The following ADAMTS18 variants were observed in gnomAD, a reference collection of about 807,000 sequenced individuals.
The protein encoded by ADAMTS18 is A disintegrin and metalloproteinase with thrombospondin motifs 18.
Under a neutral mutation model 165.9 loss-of-function variants are expected in ADAMTS18, and 157 were observed. That is an observed-to-expected ratio of 0.95 (90% confidence interval 0.83 to 1.08). The LOEUF is 1.08. Ranked by LOEUF, ADAMTS18 falls within the 50% of genes least tolerant of loss-of-function variation. The pLI is 0.00. For missense variants in ADAMTS18, 2,040 were observed against 1,534.0 expected, an observed-to-expected ratio of 1.33 and a Z score of -5.51; for synonymous variants, 782 against 578.2, an observed-to-expected ratio of 1.35 and a Z score of -5.06.
At chr16:77,422,290 C>G (rs939328045) in intron 3 of ADAMTS18, among the ~76,000 whole-genome samples, 1 of 151,946 alleles carries the variant, frequency 6.6e-6, no homozygotes, top group Admixed American at 6.6e-5. Context: ...TATATAGGGT[C>G]CACCTGTGGA....
chr16:77,398,556 C>T (rs2057288259), intron 3 of ADAMTS18, among the ~76,000 whole-genome samples: 1 of 152,138 alleles, frequency 6.6e-6, no homozygotes, highest in Non-Finnish European at 1.5e-5. Flanking sequence ...TGGTAACGAC[C>T]ATTTTAAGGC....
intron 12 of ADAMTS18, among the ~76,000 whole-genome samples, chr16:77,333,052 A>G (rs2056215982): frequency 6.6e-6 from 1 of 152,154 alleles, no homozygotes; most frequent in Non-Finnish European, 1.5e-5. Flanking sequence ...TTTCTGTTCT[A>G]CGATAGCACA....
intron 7 of ADAMTS18, among the ~76,000 whole-genome samples, chr16:77,360,160 T>C (rs906076102): frequency 2.6e-5 from 4 of 152,188 alleles, no homozygotes; most frequent in East Asian, 3.8e-4. Context: ...ACCCACTTCA[T>C]TGTCAAGACG....
chr16:77,398,111 G>C (rs1567540077), intron 3 of ADAMTS18, among the ~76,000 whole-genome samples: 1 of 152,148 alleles, frequency 6.6e-6, no homozygotes, highest in Non-Finnish European at 1.5e-5. Flanking sequence ...GAGGTTAGGA[G>C]TTCAAGACCA....
intron 3 of ADAMTS18, among the ~76,000 whole-genome samples, chr16:77,369,234 T>C (rs2056842665): frequency 6.6e-6 from 1 of 152,244 alleles, no homozygotes; most frequent in African/African-American, 2.4e-5. Flanking sequence ...ATTTTAATCT[T>C]TTTTTCATAG....
intron 21 of ADAMTS18, 102 bp downstream of exon 21, chr16:77,291,164 T>C (rs2055354715): frequency 1.5e-6 from 2 of 1,332,150 alleles, no homozygotes; most frequent in African/African-American, 1.4e-5. Context: ...TAGTTGTTTT[T>C]ACTTAGACAA....
chr16:77,429,734 G>C (rs960308314), intron 3 of ADAMTS18, among the ~76,000 whole-genome samples: 2 of 152,122 alleles, frequency 1.3e-5, no homozygotes, highest in African/African-American at 4.8e-5. Context: ...CACTCACAGA[G>C]TGAAGTCCTG....
At position 77,295,094 on chromosome 16, in the gene ADAMTS18, C is replaced by T. The variant is rs374399402; in HGVS notation, c.2835G>A (p.Lys945=). 6.2e-7 allele frequency: 1 copy of T among 1,614,174 alleles called. No individual in the cohort carries two copies. The highest frequency in any genetic ancestry group is 8.5e-7 in the Non-Finnish European group (1 of 1,180,038). ...WMPGEWSTCS[K]ACAGGQQSRK... ...GGCTCTGCTGGCCTCCAGCACAGGCCTTGCTGCATGTACTCCATTCACCTG... is the reference window on the plus strand; with the variant it reads ...GGCTCTGCTGGCCTCCAGCACAGGCTTTGCTGCATGTACTCCATTCACCTG... The change falls in exon 19 of 23, where the codon AAG becomes AAA. Residue 945 remains lysine (K), a synonymous_variant. Coordinates refer to ENST00000282849, the MANE Select transcript of ADAMTS18 (RefSeq NM_199355.4).
chr16:77,404,076 T>C (rs889865961), intron 3 of ADAMTS18, among the ~76,000 whole-genome samples: 1 of 141,488 alleles, frequency 7.1e-6, no homozygotes, highest in Non-Finnish European at 1.5e-5. Context: ...TTCTGCAGAG[T>C]ACAATATGAA....
At chr16:77,348,600 C>G (rs1027589221) in intron 10 of ADAMTS18, among the ~76,000 whole-genome samples, 1 of 152,206 alleles carries the variant, frequency 6.6e-6, no homozygotes. Context: ...GAGGGGACAT[C>G]TTCCACTTTA....
intron 22 of ADAMTS18, among the ~76,000 whole-genome samples, chr16:77,285,981 C>A (rs1048334767): frequency 1.3e-5 from 2 of 152,100 alleles, no homozygotes; most frequent in Non-Finnish European, 2.9e-5. Context: ...TATTGCTCTT[C>A]TCTTCTGCTC....
At position 77,359,323 on chromosome 16, in the gene ADAMTS18, C is replaced by T. The variant is rs2144726072; in HGVS notation, c.1317G>A (p.Gly439=). 5 of 1,613,710 alleles carry T rather than the reference C, an allele frequency of 3.1e-6. No homozygotes were observed. The highest frequency in any genetic ancestry group is 3.4e-6 in the Non-Finnish European group (4 of 1,179,884). ...TGGTTCAAAGAGGCACTTACTTGTGCCCTGACTCATGAGCGATGGTGAAGG... is the reference window on the plus strand; with the variant it reads ...TGGTTCAAAGAGGCACTTACTTGTGTCCTGACTCATGAGCGATGGTGAAGG... The part of the protein sequence containing the change: ...GLAFTIAHES[G]HNFGMIHDGE... The change falls in exon 8 of 23, where the codon GGG becomes GGA. Residue 439 remains glycine, a synonymous_variant. Coordinates refer to ENST00000282849, the MANE Select transcript of ADAMTS18 (RefSeq NM_199355.4).
chr16:77,315,398 A>T (rs1241793080), intron 16 of ADAMTS18, among the ~76,000 whole-genome samples: 3 of 152,202 alleles, frequency 2.0e-5, no homozygotes, highest in Non-Finnish European at 4.4e-5. Context: ...TAAATACCTT[A>T]AAATCTGGAT....
intron 3 of ADAMTS18, among the ~76,000 whole-genome samples, chr16:77,405,848 G>A (rs1285803101): frequency 6.6e-6 from 1 of 152,032 alleles, no homozygotes; most frequent in Non-Finnish European, 1.5e-5. Flanking sequence ...TCAGATTAGA[G>A]CCCCTTCTTT....
Position 77,367,611 on chromosome 16 carries a change from T to C in ADAMTS18, c.608A>G (p.Tyr203Cys), listed in dbSNP as rs750533933. ...GATCTTCTCCTCTGCTGTCCTTTTGTACAGTACGTGAGGATGGTGACCCGC... is the reference window on the plus strand; with the variant it reads ...GATCTTCTCCTCTGCTGTCCTTTTGCACAGTACGTGAGGATGGTGACCCGC... ...SPAGHHPHVLYKRTAEEKIQR... is the reference protein window; with the variant it reads ...SPAGHHPHVLCKRTAEEKIQR... The change falls in exon 4 of 23, where the codon TAC becomes TGC. Residue 203 changes from tyrosine (Y) to cysteine (C), a missense_variant. Tyr to Cys is a radical substitution (Grantham distance 194). Coordinates refer to ENST00000282849, the MANE Select transcript of ADAMTS18 (RefSeq NM_199355.4). The C allele has an allele frequency of 8.7e-6, 14 of 1,614,060 alleles. No individual in the cohort carries two copies. Among genetic ancestry groups the C allele is most frequent in the African/African-American group, 1.3e-5 (1 of 74,930 alleles).
At chr16:77,407,394 T>A (rs973642911) in intron 3 of ADAMTS18, among the ~76,000 whole-genome samples, 1 of 152,012 alleles carries the variant, frequency 6.6e-6, no homozygotes, top group African/African-American at 2.4e-5. Flanking sequence ...ACATAAATAT[T>A]AGCCTGTAAA....
At chr16:77,287,128 C>A (rs2055269275) in intron 22 of ADAMTS18, among the ~76,000 whole-genome samples, 1 of 152,070 alleles carries the variant, frequency 6.6e-6, no homozygotes, top group African/African-American at 2.4e-5. Flanking sequence ...AACTTCTACC[C>A]AAGTGGAAGC....
intron 21 of ADAMTS18, among the ~76,000 whole-genome samples, chr16:77,290,374 T>G (rs1383494946): frequency 6.6e-6 from 1 of 152,260 alleles, no homozygotes; most frequent in Non-Finnish European, 1.5e-5. Flanking sequence ...GGGAGCAGAT[T>G]TGGCTGGGTG....
rs544500747 is a variant in ADAMTS18, at chr16:77,289,333, G to A, written c.3481C>T (p.Leu1161=). 1.1e-5 allele frequency: 18 copies of A among 1,614,130 alleles called. No individual in the cohort carries two copies. The highest frequency in any genetic ancestry group is 1.4e-5 in the Non-Finnish European group (17 of 1,180,010). Residue 1161 remains leucine (L), a synonymous_variant, in exon 22 of 23, where the codon CTG becomes TTG. Transcript: ENST00000282849. The stretch of plus-strand genomic sequence containing the variant: ...AGCACCGGAGGTTTCTGATGGAGCA[G>A]ACAACTTGAGGAAGGCCGGCCTTGC... The part of the protein sequence containing the change: ...VQQGRPSSSC[L]LHQKPPVLRA...
Sources: gnomAD v4.1 joint callset for allele counts (sites outside exome capture counted in the v4.1 genomes callset) on GRCh38, gnomAD v4.1.1 for gene constraint, MANE v1.5 for transcripts, NCBI Gene and HGNC (gene_info 2026-07-23, HGNC 2026-07-21) for gene names.